FAM133A: variants seen among roughly 807,000 people sequenced by gnomAD.
The protein encoded by FAM133A is family with sequence similarity 133 member A.
For synonymous variants in FAM133A, 65 were observed against 58.6 expected (o/e 1.11, Z -0.50); for missense variants, 159 against 164.4 (o/e 0.97, Z 0.18).
At chrX:93,699,107 G>T (rs1360045477) in intron 3 of FAM133A, among the ~76,000 whole-genome samples, 1 of 111,356 alleles carries the variant, frequency 9.0e-6, no homozygotes. Context: ...TGAGCTTGAA[G>T]TACAGACAGA....
chrX:93,679,874 G>A (rs192995985), intron 2 of FAM133A, among the ~76,000 whole-genome samples: 26 of 92,884 alleles, frequency 2.8e-4, no homozygotes, highest in Admixed American at 6.3e-4. Flanking sequence ...TCAGTCTCCC[G>A]TGTAGCTGGG....
chrX:93,682,830 G>C (rs1317856431), intron 2 of FAM133A, among the ~76,000 whole-genome samples: 1 of 110,940 alleles, frequency 9.0e-6, no homozygotes, highest in African/African-American at 3.3e-5. Flanking sequence ...TGGTCAGTTG[G>C]CCTCGAACTC....
chrX:93,687,798 C>G (rs1925636595), intron 2 of FAM133A, among the ~76,000 whole-genome samples: 1 of 111,871 alleles, frequency 8.9e-6, no homozygotes. Context: ...CTTCCCATCC[C>G]CCGACTAACT....
In FAM133A at chrX:93,711,802, CTT is replaced by C. The variant is rs1347161733; in HGVS notation, c.*1640_*1641del. 8.1e-6 allele frequency: 1 copy of C among 123,198 alleles called. No individual in the cohort carries two copies. The highest frequency in any genetic ancestry group is 1.9e-5 in the Non-Finnish European group (1 of 53,233). 10.2% of individuals were successfully genotyped at this position (123,198 alleles called of 1,213,427 possible). On this transcript the variant is annotated 3_prime_UTR_variant, in exon 4 of 4. Coordinates refer to ENST00000683942, the MANE Select transcript of FAM133A (RefSeq NM_001171109.2). ...TTACCTTGGAGCTTCATAACTTTAG[CTT>C]TTTCCTAAAAATATATGTTTATGCT...
At chrX:93,703,132 T>G (rs1053557923) in intron 3 of FAM133A, among the ~76,000 whole-genome samples, 3 of 111,638 alleles carry the variant, frequency 2.7e-5, no homozygotes, top group African/African-American at 9.8e-5. Flanking sequence ...GAGGTTGCAG[T>G]GAGCCGAAAT....
chrX:93,677,573 C>T (rs1443292052), intron 2 of FAM133A, among the ~76,000 whole-genome samples: 1 of 111,671 alleles, frequency 9.0e-6, no homozygotes, highest in Non-Finnish European at 1.9e-5. Flanking sequence ...AAAGTTTCCT[C>T]ATATGCCTTT....
intron 3 of FAM133A, among the ~76,000 whole-genome samples, chrX:93,705,187 A>G (rs1926961933): frequency 8.9e-6 from 1 of 111,816 alleles, no homozygotes; most frequent in Non-Finnish European, 1.9e-5. Flanking sequence ...TAGATTATCA[A>G]AAGGGAATTG....
chrX:93,693,995 A>C (rs1926062900), intron 2 of FAM133A, among the ~76,000 whole-genome samples: 1 of 111,155 alleles, frequency 9.0e-6, no homozygotes. Context: ...CCTTTTACAA[A>C]ACCCAAGGTA....
chrX:93,697,609 T>G (rs1425043864), intron 2 of FAM133A, among the ~76,000 whole-genome samples: 1 of 111,821 alleles, frequency 8.9e-6, no homozygotes, highest in Admixed American at 9.5e-5. Context: ...GCTTAATAAT[T>G]TTCTTATCTG....
intron 3 of FAM133A, among the ~76,000 whole-genome samples, chrX:93,701,143 A>G (rs1048626157): frequency 3.6e-5 from 4 of 111,820 alleles, no homozygotes; most frequent in Non-Finnish European, 7.5e-5. Flanking sequence ...AGTGCATATT[A>G]TGGTCCTCTA....
At chrX:93,702,586 G>T (rs1926769964) in intron 3 of FAM133A, among the ~76,000 whole-genome samples, 1 of 110,446 alleles carries the variant, frequency 9.1e-6, no homozygotes, top group Non-Finnish European at 1.9e-5. Flanking sequence ...TCAAGAAGTT[G>T]AAATGTAACT....
chrX:93,680,077 GTGT>G (rs1320541295), intron 2 of FAM133A, among the ~76,000 whole-genome samples: 1 of 107,087 alleles, frequency 9.3e-6, no homozygotes, highest in Non-Finnish European at 1.9e-5. Flanking sequence ...GCACCAGGCC[GTGT>G]TGTTTCTTTT....
At chrX:93,689,671 A>C (rs1164604719) in intron 2 of FAM133A, among the ~76,000 whole-genome samples, 9 of 110,792 alleles carry the variant, frequency 8.1e-5, no homozygotes, top group Admixed American at 5.8e-4. Context: ...TTTTTGGTTG[A>C]AAAAATGCAT....
chrX:93,707,123 G>T (rs1465670313), intron 3 of FAM133A, among the ~76,000 whole-genome samples: 1 of 112,095 alleles, frequency 8.9e-6, no homozygotes, highest in Non-Finnish European at 1.9e-5. Flanking sequence ...TTATTCTATT[G>T]TAAGTGTCAA....
chrX:93,684,393 T>A (rs1055556529), intron 2 of FAM133A, among the ~76,000 whole-genome samples: 3 of 112,123 alleles, frequency 2.7e-5, no homozygotes, highest in South Asian at 7.3e-4. Context: ...TCAATTTTTT[T>A]AATACAAAAA....
Position 93,696,628 on chromosome X carries a change from G to A in FAM133A, c.-192-1769G>A, listed in dbSNP as rs1346524133. On this transcript the variant is annotated intron_variant, in intron 2 of 3. Coordinates refer to ENST00000683942, the MANE Select transcript of FAM133A (RefSeq NM_001171109.2). Reference sequence around the variant, plus strand: ...ACTAAGAGCTGGAAATTGCTTAAGAGTAGTATAGGCGGCCGGGCGCAGTGG... The same window carrying A: ...ACTAAGAGCTGGAAATTGCTTAAGAATAGTATAGGCGGCCGGGCGCAGTGG... Among the ~76,000 whole-genome samples the A allele has an allele frequency of 5.4e-5, 6 of 111,313 alleles. No homozygotes were observed. The Admixed American group carries it at 5.7e-4, about 11-fold the overall frequency.
chrX:93,703,607 A>G (rs935201644), intron 3 of FAM133A, among the ~76,000 whole-genome samples: 2 of 112,634 alleles, frequency 1.8e-5, no homozygotes, highest in African/African-American at 6.4e-5. Context: ...CATAAAAGCT[A>G]AACAATAGTG....
chrX:93,705,928 G>T (rs1337888714), intron 3 of FAM133A, among the ~76,000 whole-genome samples: 11 of 111,192 alleles, frequency 9.9e-5, no homozygotes, highest in Non-Finnish European at 2.1e-4. Flanking sequence ...TTTCATGGTT[G>T]CCTTCTTATC....
chrX:93,691,655 G>A (rs868327968), intron 2 of FAM133A, among the ~76,000 whole-genome samples: 2 of 111,611 alleles, frequency 1.8e-5, no homozygotes, highest in African/African-American at 3.2e-5. Context: ...TCCAATCAAT[G>A]TGTCAGTTTT....
Sources: gnomAD v4.1 joint callset for allele counts (sites outside exome capture counted in the v4.1 genomes callset) on GRCh38, gnomAD v4.1.1 for gene constraint, MANE v1.5 for transcripts, NCBI Gene and HGNC (gene_info 2026-07-23, HGNC 2026-07-21) for gene names.